RPAP1: variants seen among roughly 807,000 people sequenced by gnomAD.
RPAP1 encodes RNA polymerase II-associated protein 1.
In RPAP1, 109 loss-of-function variants were observed where a neutral mutation model predicts 142.4. The ratio of observed to expected loss-of-function variants is 0.77; its 90% confidence interval spans 0.66 to 0.90. RPAP1 has a LOEUF of 0.90. Among genes scored for constraint, RPAP1 ranks in the 40% least tolerant of loss-of-function variants. The pLI, the probability that RPAP1 is intolerant of heterozygous loss-of-function variation, is 0.00. For synonymous variants in RPAP1, 704 were observed against 738.9 expected (o/e 0.95, Z 0.77); for missense variants, 1,546 against 1,751.7 (o/e 0.88, Z 2.10).
intron 23 of RPAP1, 46 bp from the exon 24 acceptor site, chr15:41,517,903 C>CCGTA (rs761183847): frequency 2.7e-5 from 44 of 1,613,316 alleles, no homozygotes; most frequent in Non-Finnish European, 3.6e-5. Context: ...AGGGCTGGTA[C>CCGTA]CCACCACTGG....
chr15:41,531,862 T>C (rs2051855569), intron 6 of RPAP1, among the ~76,000 whole-genome samples: 1 of 150,616 alleles, frequency 6.6e-6, no homozygotes, highest in Admixed American at 6.6e-5. Context: ...GCTGTAAATA[T>C]ATATTTTTAA....
At chr15:41,534,618 T>TAAA in intron 6 of RPAP1, 96 bp downstream of exon 6, 5 of 486,758 alleles carry the variant, frequency 1.0e-5, no homozygotes, top group Non-Finnish European at 1.4e-5. Flanking sequence ...AGCATTAAAG[T>TAAA]ACTCAGCACA....
chr15:41,536,168 A>T lies in RPAP1; in HGVS notation c.381T>A (p.Val127=), dbSNP rs776229026. 7 of 1,614,198 alleles carry T rather than the reference A, an allele frequency of 4.3e-6. No individual in the cohort carries two copies. The highest frequency in any genetic ancestry group is 5.9e-6 in the Non-Finnish European group (7 of 1,180,038). Residue 127 remains valine, a synonymous_variant, in exon 4 of 25, where the codon GTT becomes GTA. Transcript: ENST00000304330. ...VAVNLPVPSG[V]AFPAVFLRSR... ...AGCGAAGGAACACAGCAGGGAAAGC[A>T]ACACCACTGGGCACAGGCAGATTCA...
At chr15:41,536,725 C>T (rs998870627) in intron 2 of RPAP1, 76 bp from the exon 3 acceptor site, 34 of 1,547,478 alleles carry the variant, frequency 2.2e-5, no homozygotes, top group Non-Finnish European at 2.9e-5. Flanking sequence ...GGAAGAAAGA[C>T]AGCTGCCATG....
chr15:41,522,682 G>GC lies in RPAP1; in HGVS notation c.2742+82dup, dbSNP rs540402150. On this transcript the variant is annotated intron_variant, in intron 19 of 24. Transcript: ENST00000304330. ...TGGGATTACAGGCGTGAGCCACCGC[G>GC]CCCATCCCACCCTCCCACTTTCTTT... 3.1e-3 allele frequency: 2,601 copies of GC among 837,898 alleles called. 70 individuals are homozygous for GC. The African/African-American group carries it at 0.043, about 14-fold the overall frequency. The allele number at this position is 837,898 out of a possible 1,614,324, so 51.9% of individuals were successfully genotyped here.
At chr15:41,530,674 CAGAG>C (rs1219630457) in intron 7 of RPAP1, among the ~76,000 whole-genome samples, 1 of 152,152 alleles carries the variant, frequency 6.6e-6, no homozygotes, top group Admixed American at 6.6e-5. Flanking sequence ...GCACTGTGAG[CAGAG>C]AGAGAAAGAA....
intron 1 of RPAP1, 150 bp from the exon 2 acceptor site, chr15:41,537,351 C>T (rs538822571): frequency 1.3e-5 from 7 of 556,258 alleles, no homozygotes; most frequent in South Asian, 6.7e-5. Flanking sequence ...TTCAGCCCTC[C>T]CTGATGTCAT....
At chr15:41,537,883 C>CAA (rs34270949) in intron 1 of RPAP1, among the ~76,000 whole-genome samples, 11,511 of 131,420 alleles carry the variant, frequency 0.088, 669 homozygotes, top group South Asian at 0.24. Context: ...AACTCCGTCT[C>CAA]AAAAAAAAAA....
rs1055364267 is a variant in RPAP1, at chr15:41,536,979, C to T, written c.147G>A (p.Pro49=). ...TCACCACATCCCGATGGTCCTGGAGCGGAGGCCGGTCTGAGTTGGCATCAC... is the reference window on the plus strand; with the variant it reads ...TCACCACATCCCGATGGTCCTGGAGTGGAGGCCGGTCTGAGTTGGCATCAC... ...GGGDANSDRP[P]LQDHRDVVML... The change falls in exon 2 of 25, where the codon CCG becomes CCA. Residue 49 remains proline (P), a synonymous_variant. Coordinates refer to ENST00000304330, the MANE Select transcript of RPAP1 (RefSeq NM_015540.4). 17 of 1,614,102 alleles carry T rather than the reference C, an allele frequency of 1.1e-5. No individual in the cohort carries two copies. Among genetic ancestry groups the T allele is most frequent in the African/African-American group, 5.3e-5 (4 of 75,012 alleles).
rs746898967 is a variant in RPAP1, at chr15:41,520,814, G to A, written c.3372C>T (p.Asp1124=). 6 of 1,613,802 alleles carry A rather than the reference G, an allele frequency of 3.7e-6. No homozygotes were observed. The African/African-American group carries it at 5.3e-5, about 14-fold the overall frequency. Residue 1124 remains aspartate, a synonymous_variant, in exon 22 of 25, where the codon GAC becomes GAT. Coordinates refer to ENST00000304330, the MANE Select transcript of RPAP1 (RefSeq NM_015540.4). ...SDTPSGLSPT[D]TMGTAMRVLQ... Reference sequence around the variant, plus strand: ...GGACCCGCATGGCTGTGCCCATGGTGTCTGTGGGAGAGAGTCCCGAGGGGG... The same window carrying A: ...GGACCCGCATGGCTGTGCCCATGGTATCTGTGGGAGAGAGTCCCGAGGGGG...
intron 18 of RPAP1, 85 bp from the exon 19 acceptor site, chr15:41,523,045 TA>T: frequency 8.4e-7 from 1 of 1,193,466 alleles, no homozygotes; most frequent in Non-Finnish European, 1.1e-6. Flanking sequence ...TACCTAAGAC[TA>T]ACGGGGGGCC....
chr15:41,529,265 G>C (rs776692553), intron 9 of RPAP1, among the ~76,000 whole-genome samples: 68 of 152,184 alleles, frequency 4.5e-4, no homozygotes, highest in Non-Finnish European at 9.1e-4. Flanking sequence ...AACCCAGGAG[G>C]TGGAGGCTGC....
Position 41,521,082 on chromosome 15 carries a change from C to T in RPAP1, c.3104G>A (p.Arg1035Lys). ...AGTCCCTTGCCCACACCGAGGGACC[C>T]TGCTGCTTCCTAACGACAGCTGGTC... The part of the protein sequence containing the change: ...FSDQLSLGSS[R>K]VPRCGQGTLL... Residue 1035 changes from arginine to lysine, a missense_variant, in exon 22 of 25, where the codon AGG becomes AAG. This residue lies in a region of RPAP1 where 1,333 missense variants were observed against 1,486.6 expected (regional missense o/e 0.90). Coordinates refer to ENST00000304330, the MANE Select transcript of RPAP1 (RefSeq NM_015540.4). 1 of 1,528,156 alleles carries T rather than the reference C, an allele frequency of 6.5e-7. No individual in the cohort carries two copies. The highest frequency in any genetic ancestry group is 1.3e-5 in the South Asian group (1 of 76,694). 94.7% of individuals were successfully genotyped at this position (1,528,156 alleles called of 1,614,324 possible).
chr15:41,523,411 C>A, intron 17 of RPAP1, 57 bp from the exon 18 acceptor site: 1 of 1,171,436 alleles, frequency 8.5e-7, no homozygotes, highest in Non-Finnish European at 1.2e-6. Context: ...CTCCTAGACC[C>A]TGTGTACCCA....
intron 15 of RPAP1, among the ~76,000 whole-genome samples, chr15:41,524,532 A>G (rs1164875645): frequency 7.1e-6 from 1 of 140,370 alleles, no homozygotes; most frequent in Non-Finnish European, 1.5e-5. Flanking sequence ...CAGTGGAGTG[A>G]TGGAGTGATC....
At chr15:41,537,241 C>G (rs2051921675) in intron 1 of RPAP1, 40 bp from the exon 2 acceptor site, 2 of 1,007,716 alleles carry the variant, frequency 2.0e-6, no homozygotes, top group Admixed American at 5.4e-5. Flanking sequence ...GCAACTGAAC[C>G]CTGATTCTCT....
At chr15:41,533,941 G>A (rs1265337835) in intron 6 of RPAP1, among the ~76,000 whole-genome samples, 3 of 151,986 alleles carry the variant, frequency 2.0e-5, no homozygotes, top group Non-Finnish European at 2.9e-5. Flanking sequence ...GGCCAACATG[G>A]TGAAACTCCG....
At chr15:41,523,184 C>A (rs1462372202) in intron 18 of RPAP1, 61 bp downstream of exon 18, 8 of 1,247,090 alleles carry the variant, frequency 6.4e-6, no homozygotes, top group Non-Finnish European at 9.0e-6. Flanking sequence ...ACCCAGGAAT[C>A]CCACAAGGAA....
At position 41,523,796 on chromosome 15, in the gene RPAP1, G is replaced by A. The variant is rs758014352; in HGVS notation, c.2411C>T (p.Ala804Val). 6.2e-7 allele frequency: 1 copy of A among 1,605,722 alleles called. No homozygotes were observed. Among genetic ancestry groups the A allele is most frequent in the East Asian group, 2.2e-5 (1 of 44,598 alleles). The change falls in exon 17 of 25, where the codon GCC becomes GTC. Residue 804 changes from alanine to valine, a missense_variant. Coordinates refer to ENST00000304330, the MANE Select transcript of RPAP1 (RefSeq NM_015540.4). ...VPVACLLFLG[A>V]YYQAWSQQPS... Reference sequence around the variant, plus strand: ...TTGCTGGCTCCAGGCCTGGTAGTAGGCTCCCAGGAACAACAGGCAGGCAAC... The same window carrying A: ...TTGCTGGCTCCAGGCCTGGTAGTAGACTCCCAGGAACAACAGGCAGGCAAC...
Sources: gnomAD v4.1 joint callset for allele counts (sites outside exome capture counted in the v4.1 genomes callset) on GRCh38, gnomAD v4.1.1 for gene constraint, gnomAD v4.1.1 regional missense constraint, MANE v1.5 for transcripts, NCBI Gene and HGNC (gene_info 2026-07-23, HGNC 2026-07-21) for gene names.